Variants in CNTNAP4 observed in about 807,000 individuals in gnomAD.
CNTNAP4 encodes the protein contactin-associated protein-like 4.
A neutral mutation model predicts 148.4 loss-of-function variants in CNTNAP4; 98 were observed. The ratio of observed to expected loss-of-function variants is 0.66; its 90% CI spans 0.56 to 0.78. The LOEUF is 0.78. CNTNAP4 is among the 30% of genes least tolerant of loss of function. CNTNAP4 has a pLI of 0.00. For synonymous variants in CNTNAP4, 730 were observed against 565.1 expected (o/e 1.29, Z -4.14); for missense variants, 1,935 against 1,565.6 (o/e 1.24, Z -3.98).
chr16:76,414,234 A>G (rs2078901126), intron 3 of CNTNAP4, among the ~76,000 whole-genome samples: 1 of 151,358 alleles, frequency 6.6e-6, no homozygotes, highest in South Asian at 2.1e-4. Flanking sequence ...TGGGCTAAGA[A>G]TTTTAATCCT....
intron 2 of CNTNAP4, among the ~76,000 whole-genome samples, chr16:76,347,504 TA>T (rs141464629): frequency 0.19 from 29,255 of 151,996 alleles, 3,555 homozygotes; most frequent in East Asian, 0.47. Context: ...ATATGCTATA[TA>T]AAAAAGATGG....
intron 3 of CNTNAP4, among the ~76,000 whole-genome samples, chr16:76,367,457 A>G (rs2014279593): frequency 6.6e-6 from 1 of 152,150 alleles, no homozygotes; most frequent in Non-Finnish European, 1.5e-5. Context: ...AAAATATAAC[A>G]TATATAACAT....
At chr16:76,461,327 C>G (rs554270743) in intron 8 of CNTNAP4, among the ~76,000 whole-genome samples, 2 of 152,174 alleles carry the variant, frequency 1.3e-5, no homozygotes, top group Admixed American at 1.3e-4. Context: ...CTGCTCTGTA[C>G]ATGTCCTGAA....
chr16:76,313,239 C>G (rs1018556547), intron 1 of CNTNAP4, among the ~76,000 whole-genome samples: 5 of 152,098 alleles, frequency 3.3e-5, no homozygotes, highest in Non-Finnish European at 7.4e-5. Context: ...AGTGGTTGTA[C>G]CAGAGAGGCA....
intron 1 of CNTNAP4, among the ~76,000 whole-genome samples, chr16:76,281,143 C>T (rs1410868714): frequency 1.3e-5 from 2 of 152,068 alleles, no homozygotes; most frequent in African/African-American, 4.8e-5. Context: ...GATGATCACT[C>T]TTGTGGGTCC....
chr16:76,425,504 T>G (rs1200978637), intron 3 of CNTNAP4, among the ~76,000 whole-genome samples: 1 of 152,104 alleles, frequency 6.6e-6, no homozygotes, highest in African/African-American at 2.4e-5. Context: ...TCTAGGAGGA[T>G]AAGATAAACA....
intron 22 of CNTNAP4, 34 bp downstream of exon 22, chr16:76,553,535 A>G (rs951230251): frequency 1.6e-5 from 23 of 1,456,788 alleles, no homozygotes; most frequent in Admixed American, 5.6e-5. Context: ...TCAGTCACAG[A>G]CGTAGCTTGT....
chr16:76,557,356 G>A (rs897175810), intron 23 of CNTNAP4: 3 of 152,128 alleles, frequency 2.0e-5, no homozygotes, highest in Non-Finnish European at 2.9e-5. Flanking sequence ...AATAAAAATG[G>A]TGTTACATGA....
At chr16:76,366,367 A>C (rs2014133554) in intron 3 of CNTNAP4, among the ~76,000 whole-genome samples, 1 of 152,170 alleles carries the variant, frequency 6.6e-6, no homozygotes, top group Non-Finnish European at 1.5e-5. Flanking sequence ...CCCACTTATA[A>C]GTAGGAACAT....
intron 4 of CNTNAP4, among the ~76,000 whole-genome samples, chr16:76,428,154 C>T (rs988196139): frequency 2.0e-5 from 3 of 152,052 alleles, no homozygotes; most frequent in African/African-American, 7.2e-5. Context: ...AAGATAGAAA[C>T]CACAGATTTC....
rs533492923 is a variant in CNTNAP4 at position 76,524,369 on chromosome 16, A to G, written c.2755+2112A>G. Among the ~76,000 whole-genome samples the G allele has an allele frequency of 1.6e-4, 24 of 152,344 alleles. No homozygotes were observed. The South Asian group carries it at 3.3e-3, about 21-fold the overall frequency. On this transcript the variant is annotated intron_variant, in intron 17 of 23. Coordinates refer to ENST00000611870, the MANE Select transcript of CNTNAP4 (RefSeq NM_033401.5). ...TACAAAAAAATGAGAGATGGCCACA[A>G]CAAAAGGTATGGCAATTTAAAATCT...
In CNTNAP4 at chr16:76,420,151, CTG is replaced by C. The variant is rs917618087; in HGVS notation, c.391-7289_391-7288del. Among the ~76,000 whole-genome samples, 54 of 76,006 alleles carry C rather than the reference CTG, an allele frequency of 7.1e-4. No individual in the cohort carries two copies. The East Asian group carries it at 0.01, about 14-fold the overall frequency. The allele number at this position is 76,006 out of a possible 152,430, so 49.9% of individuals were successfully genotyped here. A position where few individuals can be genotyped will look rare whatever the true frequency, so the allele number is the denominator to read the frequency against. On this transcript the variant is annotated intron_variant, in intron 3 of 23. Coordinates refer to ENST00000611870, the MANE Select transcript of CNTNAP4 (RefSeq NM_033401.5). ...GCAGTGTTTCACTCTGAGATGGGTA[CTG>C]TGTGTGTGTGTATAAATATTCTAAT...
intron 9 of CNTNAP4, among the ~76,000 whole-genome samples, chr16:76,463,899 G>C: frequency 6.6e-6 from 1 of 152,056 alleles, no homozygotes; most frequent in Non-Finnish European, 1.5e-5. Context: ...CAACTTCAGG[G>C]CTTTCTTAAA....
chr16:76,394,820 C>T (rs1597406976), intron 3 of CNTNAP4, among the ~76,000 whole-genome samples: 1 of 152,094 alleles, frequency 6.6e-6, no homozygotes, highest in African/African-American at 2.4e-5. Context: ...AGTGATACAT[C>T]ATTCCCATCT....
At chr16:76,476,188 C>A in intron 11 of CNTNAP4, 143 bp downstream of exon 11, 2 of 567,884 alleles carry the variant, frequency 3.5e-6, no homozygotes, top group Non-Finnish European at 6.2e-6. Context: ...ATAAAGTCGT[C>A]AAGATAGCCT....
At chr16:76,319,326 A>C (rs1962158847) in intron 2 of CNTNAP4, among the ~76,000 whole-genome samples, 2 of 152,088 alleles carry the variant, frequency 1.3e-5, no homozygotes, top group South Asian at 4.1e-4. Flanking sequence ...CAGGGGGTGC[A>C]GGTAACGTGA....
At chr16:76,495,165 C>G in intron 14 of CNTNAP4, 99 bp downstream of exon 14, 3 of 1,233,602 alleles carry the variant, frequency 2.4e-6, no homozygotes, top group Non-Finnish European at 3.5e-6. Context: ...CAAGTTAGTG[C>G]AATGAAGTAA....
intron 17 of CNTNAP4, among the ~76,000 whole-genome samples, chr16:76,527,575 C>T (rs1207062219): frequency 6.6e-6 from 1 of 152,104 alleles, no homozygotes; most frequent in Non-Finnish European, 1.5e-5. Flanking sequence ...AAAGTAAGTA[C>T]AGTTTTCAGC....
At chr16:76,448,691 G>C in intron 5 of CNTNAP4, 76 bp from the exon 6 acceptor site, 1 of 1,040,412 alleles carries the variant, frequency 9.6e-7, no homozygotes, top group Non-Finnish European at 1.4e-6. Context: ...GAAAGATGGT[G>C]GTCCACAGAA....
Sources: allele counts gnomAD v4.1 joint callset (sites outside exome capture counted in the v4.1 genomes callset), GRCh38; gene constraint gnomAD v4.1.1; transcripts MANE v1.5; gene names NCBI Gene and HGNC (gene_info 2026-07-23, HGNC 2026-07-21).